ADGRB3: variants seen among roughly 807,000 people sequenced by gnomAD.
The protein encoded by ADGRB3 is brain-specific angiogenesis inhibitor 3.
In ADGRB3, 37 loss-of-function variants were observed where a neutral mutation model predicts 193.4. The ratio of observed to expected loss-of-function variants is 0.19; its 90% CI spans 0.15 to 0.25. The LOEUF is 0.25. ADGRB3 is among the 10% of genes least tolerant of loss of function. The pLI is 1.00. For missense variants in ADGRB3, 1,637 were observed against 1,852.9 expected, an observed-to-expected ratio of 0.88 and a Z score of 2.14; for synonymous variants, 690 against 644.2, an observed-to-expected ratio of 1.07 and a Z score of -1.08.
In ADGRB3 at chr6:68,983,870, C is replaced by T. The variant is rs188022902; in HGVS notation, c.1734+8530C>T. On this transcript the variant is annotated intron_variant, in intron 10 of 31. Transcript: ENST00000370598. Reference sequence around the variant, plus strand: ...AAACAGTGAGGTCTCTCTATTTCTTCTTAGAAATAACATTTAATACTGTGA... The same window carrying T: ...AAACAGTGAGGTCTCTCTATTTCTTTTTAGAAATAACATTTAATACTGTGA... Among the ~76,000 whole-genome samples the T allele has an allele frequency of 6.8e-4, 104 of 152,202 alleles. 1 individual carries two copies. The highest frequency in any genetic ancestry group is 1.8e-4 in the Non-Finnish European group (12 of 68,014).
intron 20 of ADGRB3, among the ~76,000 whole-genome samples, chr6:69,318,452 C>A (rs1453850381): frequency 6.6e-6 from 1 of 151,168 alleles, no homozygotes; most frequent in African/African-American, 2.4e-5. Flanking sequence ...ATTTATTATC[C>A]TTTTACTGTA....
rs151338469 is a variant in ADGRB3 at position 68,993,730 on chromosome 6, A to C, written c.1735-38A>C. The C allele has an allele frequency of 1.5e-3, 2,326 of 1,561,564 alleles. 29 individuals carry two copies. In the African/African-American group the frequency reaches 0.026, roughly 18 times the overall value. ...AAGTTATTCAGATAAATGGTAATGA[A>C]GATTCTGATGTTTGCTCTGTTCTTT... On this transcript the variant is annotated intron_variant, in intron 10 of 31. Transcript: ENST00000370598.
chr6:69,376,364 C>T (rs1056721426), intron 30 of ADGRB3, among the ~76,000 whole-genome samples: 4 of 151,892 alleles, frequency 2.6e-5, no homozygotes, highest in Non-Finnish European at 5.9e-5. Context: ...TCCCAAAATG[C>T]TGGGATTATA....
Position 69,108,030 on chromosome 6 carries a change from G to A in ADGRB3, c.2480+31992G>A, listed in dbSNP as rs1445435077. On this transcript the variant is annotated intron_variant, in intron 17 of 31. Coordinates refer to ENST00000370598, the MANE Select transcript of ADGRB3 (RefSeq NM_001704.3). Reference sequence around the variant, plus strand: ...AAACCTGCACATGTCCCCACCTTCCGAATCTAAAATAAAAATTGAAAAAAA... The same window carrying A: ...AAACCTGCACATGTCCCCACCTTCCAAATCTAAAATAAAAATTGAAAAAAA... Among the ~76,000 whole-genome samples the A allele has an allele frequency of 1.2e-4, 17 of 145,712 alleles. No individual in the cohort carries two copies. In the South Asian group the frequency reaches 2.2e-3, roughly 19 times the overall value.
chr6:69,311,427 G>A (rs923617187), intron 20 of ADGRB3, among the ~76,000 whole-genome samples: 2 of 151,706 alleles, frequency 1.3e-5, no homozygotes, highest in African/African-American at 4.8e-5. Flanking sequence ...GTAATGAGCT[G>A]GTAAAAATAC....
At chr6:68,681,823 T>C (rs1451570068) in intron 3 of ADGRB3, among the ~76,000 whole-genome samples, 1 of 152,204 alleles carries the variant, frequency 6.6e-6, no homozygotes, top group Non-Finnish European at 1.5e-5. Context: ...CATTCCAAAT[T>C]TGATATCCAT....
chr6:69,107,314 A>C (rs1054374980), intron 17 of ADGRB3, among the ~76,000 whole-genome samples: 1 of 152,212 alleles, frequency 6.6e-6, no homozygotes, highest in African/African-American at 2.4e-5. Context: ...AGTACAATGA[A>C]TGTTCAAATA....
At chr6:68,705,542 A>G (rs1427073504) in intron 3 of ADGRB3, among the ~76,000 whole-genome samples, 1 of 152,042 alleles carries the variant, frequency 6.6e-6, no homozygotes, top group Non-Finnish European at 1.5e-5. Flanking sequence ...TCTGTGTCTC[A>G]CTCTGTGTCT....
At chr6:68,996,826 C>A (rs1769397316) in intron 11 of ADGRB3, among the ~76,000 whole-genome samples, 1 of 152,106 alleles carries the variant, frequency 6.6e-6, no homozygotes, top group South Asian at 2.1e-4. Context: ...CAAGTGCCAG[C>A]CCACCTCCTG....
intron 17 of ADGRB3, among the ~76,000 whole-genome samples, chr6:69,122,999 A>AGTGTGT (rs70987452): frequency 2.0e-5 from 3 of 149,322 alleles, no homozygotes; most frequent in Non-Finnish European, 4.5e-5. Context: ...CATACGTGTG[A>AGTGTGT]GTGTGTGTGT....
At chr6:69,291,294 T>G (rs17691415) in intron 20 of ADGRB3, among the ~76,000 whole-genome samples, 4,499 of 152,260 alleles carry the variant, frequency 0.03, 73 homozygotes, top group Non-Finnish European at 0.035. Context: ...ATGTACTATA[T>G]GACAGCCATG....
At chr6:68,743,725 C>A (rs1766026197) in intron 3 of ADGRB3, among the ~76,000 whole-genome samples, 1 of 152,066 alleles carries the variant, frequency 6.6e-6, no homozygotes, top group Admixed American at 6.6e-5. Context: ...CTTAATTTTA[C>A]ACCAACAAGT....
At chr6:68,946,846 A>C (rs1180549240) in intron 6 of ADGRB3, among the ~76,000 whole-genome samples, 1 of 152,144 alleles carries the variant, frequency 6.6e-6, no homozygotes, top group Non-Finnish European at 1.5e-5. Flanking sequence ...GACACTATGT[A>C]GGAATGACAT....
chr6:68,676,682 A>T (rs1391454067), intron 3 of ADGRB3, among the ~76,000 whole-genome samples: 1 of 152,176 alleles, frequency 6.6e-6, no homozygotes, highest in Non-Finnish European at 1.5e-5. Flanking sequence ...CCCTTAGGAC[A>T]GGGACAGTAT....
At chr6:69,144,876 G>GTTTGTTTCTTTCTTTCTTTCT (rs146127650) in intron 17 of ADGRB3, among the ~76,000 whole-genome samples, 1 of 139,336 alleles carries the variant, frequency 7.2e-6, no homozygotes, top group African/African-American at 2.7e-5. Context: ...TTGTTTGAGT[G>GTTTGTTTCTTTCTTTCTTTCT]TTCTTTCTTT....
intron 17 of ADGRB3, among the ~76,000 whole-genome samples, chr6:69,218,775 A>G (rs560604014): frequency 5.1e-4 from 78 of 152,268 alleles, no homozygotes; most frequent in Admixed American, 9.8e-4. Flanking sequence ...ATCGGAGCCA[A>G]TGAGAATTTA....
chr6:69,328,014 T>A, intron 22 of ADGRB3, 125 bp downstream of exon 22: 1 of 711,886 alleles, frequency 1.4e-6, no homozygotes, highest in Non-Finnish European at 2.1e-6. Context: ...ATTGCATTAG[T>A]AAGGAACAAA....
chr6:68,959,484 A>C (rs1004156573), intron 8 of ADGRB3, among the ~76,000 whole-genome samples: 1 of 152,134 alleles, frequency 6.6e-6, no homozygotes, highest in Non-Finnish European at 1.5e-5. Flanking sequence ...TGGAGTCAAA[A>C]CAAATTAATC....
chr6:68,797,484 C>T (rs1052276720), intron 3 of ADGRB3, among the ~76,000 whole-genome samples: 6 of 152,050 alleles, frequency 3.9e-5, no homozygotes, highest in African/African-American at 1.4e-4. Context: ...CGCCATCCAG[C>T]CCAGGTGGAG....
Sources: gnomAD v4.1 joint callset for allele counts (sites outside exome capture counted in the v4.1 genomes callset) on GRCh38, gnomAD v4.1.1 for gene constraint, MANE v1.5 for transcripts, NCBI Gene and HGNC (gene_info 2026-07-23, HGNC 2026-07-21) for gene names.